The following MDH1B variants were observed in gnomAD, a reference collection of about 807,000 sequenced individuals.
MDH1B encodes putative malate dehydrogenase 1B.
A neutral mutation model predicts 61.4 loss-of-function variants in MDH1B; 60 were observed. The ratio of observed to expected loss-of-function variants is 0.98; its 90% CI spans 0.79 to 1.21. The LOEUF (loss-of-function observed/expected upper bound fraction) is 1.21, where lower values mean the gene tolerates loss of function less well. MDH1B is among the 50% of genes most tolerant of loss of function. The pLI is 0.00. For missense variants in MDH1B, 587 were observed against 632.1 expected, an observed-to-expected ratio of 0.93 and a Z score of 0.76; for synonymous variants, 236 against 218.7, an observed-to-expected ratio of 1.08 and a Z score of -0.70.
intron 5 of MDH1B, among the ~76,000 whole-genome samples, chr2:206,752,261 C>A (rs1289898587): frequency 6.6e-6 from 1 of 152,174 alleles, no homozygotes; most frequent in African/African-American, 2.4e-5. Flanking sequence ...GTGAAATATT[C>A]TTCCCAGGGG....
intron 5 of MDH1B, among the ~76,000 whole-genome samples, chr2:206,751,388 A>G (rs1688430413): frequency 6.6e-6 from 1 of 152,010 alleles, no homozygotes; most frequent in African/African-American, 2.4e-5. Context: ...GACTTTGCTT[A>G]CCATTGAGAG....
At chr2:206,748,287 G>A (rs529578760) in intron 7 of MDH1B, among the ~76,000 whole-genome samples, 13 of 152,206 alleles carry the variant, frequency 8.5e-5, no homozygotes, top group Non-Finnish European at 1.8e-4. Context: ...GCTGGGGCAG[G>A]AGAATCACTT....
chr2:206,739,668 A>G lies in MDH1B; in HGVS notation c.1460-7T>C, dbSNP rs1271888903. The G allele has an allele frequency of 1.9e-6, 3 of 1,613,400 alleles. No individual in the cohort carries two copies. Among genetic ancestry groups the G allele is most frequent in the East Asian group, 2.2e-5 (1 of 44,866 alleles). On this transcript the variant is annotated splice_polypyrimidine_tract_variant and splice_region_variant and intron_variant, in intron 10 of 11. Transcript: ENST00000374412. Reference sequence around the variant, plus strand: ...TGATTTGGAAACTCTGCTGCTGCAAATAGAGTTAAAAGAATAGTTTTTAGT... The same window carrying G: ...TGATTTGGAAACTCTGCTGCTGCAAGTAGAGTTAAAAGAATAGTTTTTAGT...
chr2:206,764,946 G>C (rs1363636246), intron 1 of MDH1B, among the ~76,000 whole-genome samples: 2 of 152,118 alleles, frequency 1.3e-5, no homozygotes, highest in Non-Finnish European at 2.9e-5. Flanking sequence ...CCCAGATTAG[G>C]AGTCTACGCT....
rs541292027 is a variant in MDH1B, at chr2:206,739,468, C to T, written c.1528+125G>A. The T allele has an allele frequency of 7.1e-6, 6 of 848,500 alleles. No individual in the cohort carries two copies. The Admixed American group carries it at 9.7e-5, about 14-fold the overall frequency. 52.6% of individuals were successfully genotyped at this position (848,500 alleles called of 1,614,324 possible). On this transcript the variant is annotated intron_variant, in intron 11 of 11. Coordinates refer to ENST00000374412, the MANE Select transcript of MDH1B (RefSeq NM_001039845.3). ...GAGAGTAAGCAACCAAGGCTGGGTCCCTGGGGAATGTGGGAAGTGGGGAGG... is the reference window on the plus strand; with the variant it reads ...GAGAGTAAGCAACCAAGGCTGGGTCTCTGGGGAATGTGGGAAGTGGGGAGG...
At chr2:206,754,627 C>T (rs565494584) in intron 5 of MDH1B, among the ~76,000 whole-genome samples, 8 of 152,178 alleles carry the variant, frequency 5.3e-5, no homozygotes, top group African/African-American at 9.6e-5. Flanking sequence ...GACTAAATGA[C>T]GGCTCAAGAT....
intron 3 of MDH1B, 57 bp from the exon 4 acceptor site, chr2:206,757,097 G>T: frequency 6.4e-7 from 1 of 1,564,506 alleles, no homozygotes; most frequent in South Asian, 1.2e-5. Context: ...GTTGAAATTG[G>T]CTATAATGGA....
Position 206,741,892 on chromosome 2 carries a change from A to T in MDH1B, c.1409-788T>A, listed in dbSNP as rs1342428236. Among the ~76,000 whole-genome samples, 4 of 152,298 alleles carry T rather than the reference A, an allele frequency of 2.6e-5. No individual in the cohort carries two copies. In the East Asian group the frequency reaches 7.7e-4, roughly 29 times the overall value. ...TAAGGACCTAAGGACTCTACTTTTA[A>T]TAGTATGGAGAACACTGATAGTCCT... is the stretch of plus-strand genomic sequence containing the variant. On this transcript the variant is annotated intron_variant, in intron 9 of 11. Coordinates refer to ENST00000374412, the MANE Select transcript of MDH1B (RefSeq NM_001039845.3).
At chr2:206,749,929 A>C (rs1688336039) in intron 6 of MDH1B, among the ~76,000 whole-genome samples, 1 of 152,184 alleles carries the variant, frequency 6.6e-6, no homozygotes, top group Non-Finnish European at 1.5e-5. Flanking sequence ...GAAAATAATT[A>C]TGTTTTTATG....
chr2:206,765,211 G>T (rs1689372647), intron 1 of MDH1B, 39 bp downstream of exon 1: 1 of 1,597,896 alleles, frequency 6.3e-7, no homozygotes, highest in Non-Finnish European at 8.5e-7. Context: ...TGTTGTCGGC[G>T]TTTTGAGCAA....
At chr2:206,759,588 G>A (rs894867669) in intron 2 of MDH1B, among the ~76,000 whole-genome samples, 1 of 151,932 alleles carries the variant, frequency 6.6e-6, no homozygotes, top group Non-Finnish European at 1.5e-5. Flanking sequence ...CCACAACCTC[G>A]CCAGCATCTG....
chr2:206,746,198 C>T, intron 8 of MDH1B, 89 bp downstream of exon 8: 1 of 1,187,688 alleles, frequency 8.4e-7, no homozygotes, highest in Non-Finnish European at 1.1e-6. Context: ...AATTTGAATC[C>T]ATAGAAAAAC....
rs181515443 is a variant in MDH1B, at chr2:206,746,080, G to A, written c.1356+207C>T. Among the ~76,000 whole-genome samples, 345 of 151,964 alleles carry A rather than the reference G, an allele frequency of 2.3e-3. 1 individual carries two copies. Among genetic ancestry groups the A allele is most frequent in the Non-Finnish European group, 3.9e-3 (263 of 67,958 alleles). On this transcript the variant is annotated intron_variant, in intron 8 of 11. Coordinates refer to ENST00000374412, the MANE Select transcript of MDH1B (RefSeq NM_001039845.3). Reference sequence around the variant, plus strand: ...CCTTGATTCTTCATTTTTAAATAACGAACAAATATTTTTAACATACCAGAA... The same window carrying A: ...CCTTGATTCTTCATTTTTAAATAACAAACAAATATTTTTAACATACCAGAA...
At chr2:206,743,508 C>G (rs1185138178) in intron 9 of MDH1B, among the ~76,000 whole-genome samples, 2 of 152,150 alleles carry the variant, frequency 1.3e-5, no homozygotes, top group Non-Finnish European at 2.9e-5. Context: ...ACAATCTCCA[C>G]CATACTGATA....
At chr2:206,756,528 A>G (rs1432414449) in intron 4 of MDH1B, 2 of 187,730 alleles carry the variant, frequency 1.1e-5, no homozygotes, top group East Asian at 3.0e-4. Flanking sequence ...AGGCGAGGGG[A>G]GTGGGGTTAC....
intron 2 of MDH1B, 106 bp downstream of exon 2, chr2:206,760,795 T>G (rs1379978535): frequency 1.6e-6 from 1 of 640,290 alleles, no homozygotes; most frequent in Non-Finnish European, 2.8e-6. Context: ...CACTAGCACA[T>G]GAACAGTCAT....
At chr2:206,753,385 T>G (rs1471490221) in intron 5 of MDH1B, among the ~76,000 whole-genome samples, 2 of 152,146 alleles carry the variant, frequency 1.3e-5, no homozygotes, top group Non-Finnish European at 2.9e-5. Flanking sequence ...TGTGCTTAAG[T>G]GATCCTCCCG....
chr2:206,749,083 G>C lies in MDH1B; in HGVS notation c.1153C>G (p.Leu385Val), dbSNP rs1688286442. The C allele has an allele frequency of 1.2e-6, 2 of 1,613,948 alleles. No homozygotes were observed. Among genetic ancestry groups the C allele is most frequent in the Admixed American group, 1.7e-5 (1 of 60,004 alleles). Residue 385 changes from leucine to valine, a missense_variant, in exon 7 of 12, where the codon CTG becomes GTG. Leu to Val is a conservative substitution (Grantham distance 32). Transcript: ENST00000374412. ...ILAAHSIATTLKYWYHGSPPG... is the reference protein window; with the variant it reads ...ILAAHSIATTVKYWYHGSPPG... ...GGTGAGCCATGGTACCAGTATTTCA[G>C]TGTAGTGGCTATACTGTGTGCAGCC...
At chr2:206,761,240 G>GA (rs1281367295) in intron 1 of MDH1B, among the ~76,000 whole-genome samples, 1 of 151,596 alleles carries the variant, frequency 6.6e-6, no homozygotes, top group African/African-American at 2.4e-5. Flanking sequence ...AATGTGGAAA[G>GA]AAAAAAAACC....
Sources: gnomAD v4.1 joint callset for allele counts (sites outside exome capture counted in the v4.1 genomes callset) on GRCh38, gnomAD v4.1.1 for gene constraint, MANE v1.5 for transcripts, NCBI Gene and HGNC (gene_info 2026-07-23, HGNC 2026-07-21) for gene names.